Variants in RBFOX1 observed in about 807,000 individuals in gnomAD.
RBFOX1 encodes the protein RNA binding fox-1 homolog 1, also known as RNA binding protein fox-1 homolog 1.
In RBFOX1, 8 loss-of-function variants were observed where a neutral mutation model predicts 57.7. That is an observed-to-expected ratio of 0.14 (90% CI 0.08 to 0.25). RBFOX1 has a LOEUF of 0.25. RBFOX1 is among the 10% of genes least tolerant of loss of function. The pLI, the probability that RBFOX1 is intolerant of heterozygous loss-of-function variation, is 1.00. For missense variants in RBFOX1, 611 were observed against 548.5 expected, an observed-to-expected ratio of 1.11 and a Z score of -1.14; for synonymous variants, 326 against 222.4, an observed-to-expected ratio of 1.47 and a Z score of -4.15.
chr16:7,262,754 G>A (rs1415071586), intron 4 of RBFOX1, among the ~76,000 whole-genome samples: 1 of 152,260 alleles, frequency 6.6e-6, no homozygotes, highest in African/African-American at 2.4e-5. Flanking sequence ...TGCATGGATG[G>A]CAGAAGAGTT....
intron 3 of RBFOX1, among the ~76,000 whole-genome samples, chr16:6,905,218 C>T (rs931716834): frequency 1.3e-5 from 2 of 151,720 alleles, no homozygotes; most frequent in East Asian, 1.9e-4. Flanking sequence ...TTAGCCCTTT[C>T]TTCCTAGCTA....
intron 3 of RBFOX1, among the ~76,000 whole-genome samples, chr16:6,665,324 A>AG (rs1470225163): frequency 1.3e-5 from 2 of 152,098 alleles, no homozygotes; most frequent in African/African-American, 4.8e-5. Context: ...CTAAAAAATG[A>AG]GGGAGGGGGC....
intron 3 of RBFOX1, among the ~76,000 whole-genome samples, chr16:6,897,492 T>A (rs957675114): frequency 2.0e-4 from 30 of 152,100 alleles, no homozygotes; most frequent in Admixed American, 3.9e-4. Flanking sequence ...TTTAAGAAAA[T>A]GGTCAAGTCC....
intron 3 of RBFOX1, among the ~76,000 whole-genome samples, chr16:5,626,515 A>T (rs568605577): frequency 6.6e-6 from 1 of 152,126 alleles, no homozygotes; most frequent in African/African-American, 2.4e-5. Context: ...ACTTTAACAT[A>T]TGAATTCTGG....
intron 3 of RBFOX1, among the ~76,000 whole-genome samples, chr16:5,615,059 G>T (rs950306104): frequency 1.3e-5 from 2 of 152,116 alleles, no homozygotes; most frequent in African/African-American, 4.8e-5. Flanking sequence ...TTTTGAGATG[G>T]GGTTTCACTC....
At chr16:5,485,748 C>A (rs897157043) in intron 2 of RBFOX1, among the ~76,000 whole-genome samples, 3 of 152,188 alleles carry the variant, frequency 2.0e-5, no homozygotes, top group African/African-American at 7.2e-5. Context: ...TCCTTAAACA[C>A]CGTCCAGAAC....
intron 4 of RBFOX1, among the ~76,000 whole-genome samples, chr16:7,159,383 C>T (rs551181200): frequency 4.6e-5 from 7 of 152,154 alleles, no homozygotes; most frequent in South Asian, 4.1e-4. Flanking sequence ...CATGTATGTG[C>T]TGATATTTGA....
At chr16:7,120,307 C>T (rs1025483631) in intron 4 of RBFOX1, among the ~76,000 whole-genome samples, 4 of 151,128 alleles carry the variant, frequency 2.6e-5, no homozygotes, top group African/African-American at 7.3e-5. Flanking sequence ...AAAACTAATA[C>T]ATGCAAAGAG....
chr16:7,313,541 G>A (rs1467800802), intron 4 of RBFOX1, among the ~76,000 whole-genome samples: 3 of 150,072 alleles, frequency 2.0e-5, no homozygotes, highest in Non-Finnish European at 3.0e-5. Flanking sequence ...CAGTAGGAGA[G>A]GCAGCTTGTA....
At chr16:7,514,025 C>T (rs955043682) in intron 4 of RBFOX1, among the ~76,000 whole-genome samples, 5 of 152,072 alleles carry the variant, frequency 3.3e-5, no homozygotes. Flanking sequence ...TATTTCCTGC[C>T]CAAACTACTT....
intron 1 of RBFOX1, among the ~76,000 whole-genome samples, chr16:6,146,659 C>G (rs1315930216): frequency 1.3e-5 from 2 of 152,148 alleles, no homozygotes; most frequent in African/African-American, 4.8e-5. Flanking sequence ...GAATAGGATT[C>G]AAAAGTAAAA....
rs540679434 is a variant in RBFOX1 at position 7,027,267 on chromosome 16, G to A, written c.-15-24790G>A. Among the ~76,000 whole-genome samples the A allele has an allele frequency of 4.6e-5, 7 of 152,282 alleles. 1 individual carries two copies. The highest frequency in any genetic ancestry group is 1.7e-4 in the African/African-American group (7 of 41,556). ...ACTAATAAACAAGTAAATGAATAGA[G>A]AGGATGAATAATCTTTTAGGGTAAG... On this transcript the variant is annotated intron_variant, in intron 3 of 15. Coordinates refer to ENST00000550418, the MANE Select transcript of RBFOX1 (RefSeq NM_018723.4).
chr16:7,052,166 T>G, intron 4 of RBFOX1, 68 bp downstream of exon 4: 1 of 1,561,916 alleles, frequency 6.4e-7, no homozygotes, highest in East Asian at 2.3e-5. Flanking sequence ...AATTTCCTTG[T>G]CTCTCCCAAG....
chr16:7,047,227 T>G (rs1476053506), intron 3 of RBFOX1, among the ~76,000 whole-genome samples: 1 of 152,174 alleles, frequency 6.6e-6, no homozygotes, highest in African/African-American at 2.4e-5. Context: ...ATAGCGATTA[T>G]TTTAGGGCAG....
intron 3 of RBFOX1, among the ~76,000 whole-genome samples, chr16:6,921,165 T>G (rs950344113): frequency 3.3e-5 from 5 of 152,184 alleles, no homozygotes; most frequent in African/African-American, 1.2e-4. Context: ...AATGGTGATA[T>G]TCATCTTAAC....
At chr16:7,509,426 G>GTGTGTGTGTGTCTGTGTC (rs1555531504) in intron 4 of RBFOX1, among the ~76,000 whole-genome samples, 1 of 146,380 alleles carries the variant, frequency 6.8e-6, no homozygotes, top group African/African-American at 2.5e-5. Context: ...GTGTGTGTGT[G>GTGTGTGTGTGTCTGTGTC]TGTGTCTGTG....
At position 6,263,682 on chromosome 16, in the gene RBFOX1, G is replaced by T. The variant is rs547466187; in HGVS notation, c.-126-53313G>T. The stretch of plus-strand genomic sequence containing the variant: ...TCCTTTCCTAGTTGGCATGGTAGTT[G>T]CTCCATTTGTTTTTGTAAATTGAGG... On this transcript the variant is annotated intron_variant, in intron 1 of 15. Transcript: ENST00000550418. Among the ~76,000 whole-genome samples the T allele has an allele frequency of 2.0e-5, 3 of 152,170 alleles. No homozygotes were observed. The South Asian group carries it at 6.2e-4, about 32-fold the overall frequency.
At chr16:6,644,217 C>A (rs1472362280) in intron 2 of RBFOX1, among the ~76,000 whole-genome samples, 1 of 152,180 alleles carries the variant, frequency 6.6e-6, no homozygotes, top group African/African-American at 2.4e-5. Context: ...AAATTAGAAG[C>A]CGTTGTTATT....
rs142145379 is a variant in RBFOX1, at chr16:7,683,375, TTCTC to T, written c.995+6542_995+6545del. Among the ~76,000 whole-genome samples, 240 of 151,992 alleles carry T rather than the reference TTCTC, an allele frequency of 1.6e-3. 2 individuals carry two copies. The East Asian group carries it at 0.034, about 21-fold the overall frequency. ...ACGTTAAAAGAAAATGTGTTCAACT[TTCTC>T]TCTCAAGAACTAATTGCCTTTGGTC... On this transcript the variant is annotated intron_variant, in intron 14 of 15. Transcript: ENST00000550418.
Sources: gnomAD v4.1 joint callset for allele counts (sites outside exome capture counted in the v4.1 genomes callset) on GRCh38, gnomAD v4.1.1 for gene constraint, MANE v1.5 for transcripts, NCBI Gene and HGNC (gene_info 2026-07-23, HGNC 2026-07-21) for gene names.